CALN1: variants seen among roughly 807,000 people sequenced by gnomAD.
CALN1 encodes calneuron 1, also known as calcium-binding protein 8.
Under a neutral mutation model 30.6 loss-of-function variants are expected in CALN1, and 17 were observed. The ratio of observed to expected loss-of-function variants is 0.56; its 90% CI spans 0.38 to 0.83. The LOEUF is 0.83. Among genes scored for constraint, CALN1 ranks in the 40% least tolerant of loss-of-function variants. The pLI is 0.00. For synonymous variants in CALN1, 156 were observed against 131.4 expected (o/e 1.19, Z -1.28); for missense variants, 291 against 354.9 (o/e 0.82, Z 1.45).
intron 3 of CALN1, among the ~76,000 whole-genome samples, chr7:72,192,664 ATTATTATTATACTTT>A (rs1790697378): frequency 1.5e-5 from 1 of 66,368 alleles, no homozygotes; most frequent in African/African-American, 6.1e-5. Context: ...TATTATTATT[ATTATTATTATACTTT>A]AAGTTTTAGG....
At chr7:72,341,017 T>C (rs529668272) in intron 2 of CALN1, among the ~76,000 whole-genome samples, 1 of 152,070 alleles carries the variant, frequency 6.6e-6, no homozygotes. Flanking sequence ...GCTATGTCTT[T>C]ATCAGCAATG....
rs1352312516 is a variant in CALN1 at position 71,796,659 on chromosome 7, A to T, written c.659-8757T>A. ...AGGCGTGAGCCACCGCGTCCAGCTT[A>T]TGTTTCGTTTTTTCAAGGAACTGAC... On this transcript the variant is annotated intron_variant, in intron 6 of 6. Coordinates refer to ENST00000395275, the MANE Select transcript of CALN1 (RefSeq NM_031468.4). 5.3e-5 allele frequency among the ~76,000 whole-genome samples: 8 copies of T among 151,364 alleles called. No homozygotes were observed. In the East Asian group the frequency reaches 1.5e-3, roughly 29 times the overall value.
At chr7:72,242,031 C>A (rs901685521) in intron 3 of CALN1, among the ~76,000 whole-genome samples, 1 of 152,206 alleles carries the variant, frequency 6.6e-6, no homozygotes, top group African/African-American at 2.4e-5. Flanking sequence ...ACTTGTTAAA[C>A]AACCCTATTC....
rs147038779 is a variant in CALN1, at chr7:72,251,829, G to A, written c.244+26857C>T. ...GGTTGTAATACAGTACCATAGATTT[G>A]CAAGACATTACCACTGGGGGACACT... On this transcript the variant is annotated intron_variant, in intron 3 of 6. Transcript: ENST00000395275. Among the ~76,000 whole-genome samples the A allele has an allele frequency of 7.2e-3, 1,094 of 152,228 alleles. 17 individuals carry two copies. The highest frequency in any genetic ancestry group is 0.025 in the African/African-American group (1,040 of 41,512).
chr7:72,271,270 A>T (rs1796953104), intron 3 of CALN1, among the ~76,000 whole-genome samples: 1 of 152,126 alleles, frequency 6.6e-6, no homozygotes, highest in Non-Finnish European at 1.5e-5. Context: ...GGTCATCAGC[A>T]CGTAGATGCT....
chr7:72,172,714 GA>G (rs1392134020), intron 3 of CALN1, among the ~76,000 whole-genome samples: 1 of 152,048 alleles, frequency 6.6e-6, no homozygotes, highest in African/African-American at 2.4e-5. Context: ...AATGACTGTA[GA>G]AAAAAATACT....
rs535608227 is a variant in CALN1, at chr7:72,342,969, G to T, written c.119+60282C>A. Among the ~76,000 whole-genome samples the T allele has an allele frequency of 2.0e-5, 3 of 152,242 alleles. No homozygotes were observed. The South Asian group carries it at 6.2e-4, about 32-fold the overall frequency. On this transcript the variant is annotated intron_variant, in intron 2 of 6. Transcript: ENST00000395275. ...CTTTACAACACACATTCTCTCCTGTGTGGCTAGGGGTTTGCCACAAACTTT... is the reference window on the plus strand; with the variant it reads ...CTTTACAACACACATTCTCTCCTGTTTGGCTAGGGGTTTGCCACAAACTTT...
At chr7:72,028,965 T>C (rs554249821) in intron 4 of CALN1, among the ~76,000 whole-genome samples, 2 of 152,066 alleles carry the variant, frequency 1.3e-5, no homozygotes, top group South Asian at 4.1e-4. Context: ...GCCTCCAGCC[T>C]GGGTGAAAGA....
intron 5 of CALN1, among the ~76,000 whole-genome samples, chr7:71,906,864 T>C (rs988574691): frequency 2.0e-5 from 3 of 152,078 alleles, no homozygotes; most frequent in Non-Finnish European, 2.9e-5. Context: ...AGGTGGCAAA[T>C]AGGTTCACGA....
intron 3 of CALN1, among the ~76,000 whole-genome samples, chr7:72,199,675 A>C (rs1008937118): frequency 3.9e-5 from 6 of 152,116 alleles, no homozygotes; most frequent in African/African-American, 1.4e-4. Flanking sequence ...GCAAGAAGCT[A>C]TCTCTACAAA....
intron 2 of CALN1, among the ~76,000 whole-genome samples, chr7:72,342,559 G>A (rs1025058941): frequency 1.3e-5 from 2 of 152,210 alleles, no homozygotes; most frequent in East Asian, 1.9e-4. Context: ...ATTTGTAGCT[G>A]GATTTAGCAT....
chr7:71,959,899 C>T (rs76442207), intron 5 of CALN1, among the ~76,000 whole-genome samples: 2 of 151,866 alleles, frequency 1.3e-5, no homozygotes, highest in East Asian at 1.9e-4. Flanking sequence ...TTTGGGAGGC[C>T]GAGGCGGGCA....
intron 5 of CALN1, among the ~76,000 whole-genome samples, chr7:71,931,269 C>CTTTTTTT (rs71092936): frequency 6.7e-6 from 1 of 149,324 alleles, no homozygotes; most frequent in Non-Finnish European, 1.5e-5. Flanking sequence ...AAACCATTCT[C>CTTTTTTT]TTTTTTTTTT....
chr7:71,993,082 T>C (rs945618736), intron 5 of CALN1, among the ~76,000 whole-genome samples: 1 of 151,916 alleles, frequency 6.6e-6, no homozygotes, highest in African/African-American at 2.4e-5. Flanking sequence ...ATTCCAAATA[T>C]AGTTCTGGTG....
intron 3 of CALN1, among the ~76,000 whole-genome samples, chr7:72,256,604 A>ATT (rs10642125): frequency 0.36 from 54,778 of 151,072 alleles, 10,707 homozygotes; most frequent in Middle Eastern, 0.55. Flanking sequence ...TCAATCAATT[A>ATT]TTTTTTTTTC....
chr7:71,995,985 T>C (rs1799233553), intron 5 of CALN1, among the ~76,000 whole-genome samples: 1 of 152,122 alleles, frequency 6.6e-6, no homozygotes. Flanking sequence ...CCTGCCATCT[T>C]TGCCTAAGAA....
the CALN1 span, among the ~76,000 whole-genome samples, chr7:72,469,172 T>A: frequency 6.6e-6 from 1 of 152,216 alleles, no homozygotes. Context: ...TATTTTCTTC[T>A]AAGGGTTTAA....
In CALN1 at chr7:72,242,444, A is replaced by T. The variant is rs185737117; in HGVS notation, c.244+36242T>A. ...CTTTGGGAGTAAGAGAGAACAACTC[A>T]TTATTTTTTGTACACGGTTGGGAAA... On this transcript the variant is annotated intron_variant, in intron 3 of 6. Transcript: ENST00000395275. 2.7e-3 allele frequency among the ~76,000 whole-genome samples: 418 copies of T among 152,264 alleles called. 2 individuals carry two copies. Among genetic ancestry groups the T allele is most frequent in the Admixed American group, 5.8e-3 (89 of 15,276 alleles).
At position 71,864,100 on chromosome 7, in the gene CALN1, G is replaced by A. The variant is rs532831514; in HGVS notation, c.502-53608C>T. On this transcript the variant is annotated intron_variant, in intron 5 of 6. Coordinates refer to ENST00000395275, the MANE Select transcript of CALN1 (RefSeq NM_031468.4). ...ATGTTTAAATAAGATCCTCCCCCCCGATTACAATTCTTCAAATAGCTTCTT... is the reference window on the plus strand; with the variant it reads ...ATGTTTAAATAAGATCCTCCCCCCCAATTACAATTCTTCAAATAGCTTCTT... 2.3e-3 allele frequency among the ~76,000 whole-genome samples: 348 copies of A among 150,844 alleles called. 2 individuals are homozygous for A. The highest frequency in any genetic ancestry group is 8.1e-3 in the African/African-American group (331 of 40,892).
Sources: allele counts gnomAD v4.1 joint callset (sites outside exome capture counted in the v4.1 genomes callset), GRCh38; gene constraint gnomAD v4.1.1; transcripts MANE v1.5; gene names NCBI Gene and HGNC (gene_info 2026-07-23, HGNC 2026-07-21).